NLK: variants seen among roughly 807,000 people sequenced by gnomAD.
The protein encoded by NLK is nemo like kinase.
In NLK, 11 loss-of-function variants were observed where a neutral mutation model predicts 59.0. The ratio of observed to expected loss-of-function variants is 0.19; its 90% confidence interval spans 0.12 to 0.31. NLK has a LOEUF of 0.31. Ranked by LOEUF, NLK falls within the 10% of genes least tolerant of loss-of-function variation. The pLI, the probability that NLK is intolerant of heterozygous loss-of-function variation, is 1.00. For missense variants in NLK, 410 were observed against 661.1 expected, an observed-to-expected ratio of 0.62 and a Z score of 4.16; for synonymous variants, 235 against 235.9, an observed-to-expected ratio of 1.00 and a Z score of 0.03.
rs35719848 is a variant in NLK at position 28,095,649 on chromosome 17, C to T, written c.459-26954C>T. Among the ~76,000 whole-genome samples, 954 of 152,266 alleles carry T rather than the reference C, an allele frequency of 6.3e-3. 6 individuals are homozygous for T. The highest frequency in any genetic ancestry group is 0.022 in the African/African-American group (930 of 41,548). On this transcript the variant is annotated intron_variant, in intron 1 of 10. Coordinates refer to ENST00000407008, the MANE Select transcript of NLK (RefSeq NM_016231.5). ...CTATGATTCCAGATTTCTGCAATTA[C>T]AATATATATATTTGAAATGATTATT... is the stretch of plus-strand genomic sequence containing the variant.
intron 1 of NLK, among the ~76,000 whole-genome samples, chr17:28,099,830 G>A (rs1032965426): frequency 6.6e-6 from 1 of 150,652 alleles, no homozygotes; most frequent in Non-Finnish European, 1.5e-5. Flanking sequence ...CACCCGCCTC[G>A]GCCTCCCAAA....
At chr17:28,046,805 A>G (rs1469432966) in intron 1 of NLK, among the ~76,000 whole-genome samples, 1 of 152,164 alleles carries the variant, frequency 6.6e-6, no homozygotes, top group Non-Finnish European at 1.5e-5. Context: ...GATGGAATTA[A>G]TGGCACATAT....
intron 3 of NLK, among the ~76,000 whole-genome samples, chr17:28,141,515 T>A (rs1906992611): frequency 6.6e-6 from 1 of 152,198 alleles, no homozygotes; most frequent in African/African-American, 2.4e-5. Context: ...ACATCATTTG[T>A]GCAGCTTTAC....
intron 7 of NLK, among the ~76,000 whole-genome samples, chr17:28,174,516 A>G (rs1306175192): frequency 3.3e-5 from 5 of 152,148 alleles, no homozygotes; most frequent in Non-Finnish European, 5.9e-5. Flanking sequence ...TAATGGCTAG[A>G]TGCACTTTGC....
rs781425842 is a variant in NLK at position 28,194,573 on chromosome 17, T to C, written c.1530-9T>C. On this transcript the variant is annotated splice_polypyrimidine_tract_variant and intron_variant, in intron 10 of 10. Coordinates refer to ENST00000407008, the MANE Select transcript of NLK (RefSeq NM_016231.5). ...TACAACTAATTTCTCCATCTCTGTT[T>C]TCTTCCAGTTCCACTGTTGCTCAGC... 6 of 1,579,342 alleles carry C rather than the reference T, an allele frequency of 3.8e-6. No individual in the cohort carries two copies. In the South Asian group the frequency reaches 6.9e-5, roughly 18 times the overall value.
At chr17:28,047,479 G>C (rs1403779587) in intron 1 of NLK, among the ~76,000 whole-genome samples, 1 of 152,202 alleles carries the variant, frequency 6.6e-6, no homozygotes, top group African/African-American at 2.4e-5. Context: ...GACTTTGTAG[G>C]TGTTTTAGTC....
At chr17:28,204,200 C>G in the NLK span, among the ~76,000 whole-genome samples, 1 of 152,330 alleles carries the variant, frequency 6.6e-6, no homozygotes, top group South Asian at 2.1e-4. Context: ...TTCCCAAGAT[C>G]ACACAGCTAG....
chr17:28,061,226 A>G (rs1275297088), intron 1 of NLK, among the ~76,000 whole-genome samples: 1 of 152,190 alleles, frequency 6.6e-6, no homozygotes, highest in Non-Finnish European at 1.5e-5. Flanking sequence ...ATCCAGTTTC[A>G]GTGTTTTACC....
chr17:28,073,906 G>C (rs1910089608), intron 1 of NLK, among the ~76,000 whole-genome samples: 1 of 152,102 alleles, frequency 6.6e-6, no homozygotes, highest in Non-Finnish European at 1.5e-5. Context: ...TATGTTCCTA[G>C]CATGTAATAT....
chr17:28,043,593 G>A (rs572076518), intron 1 of NLK, among the ~76,000 whole-genome samples: 1 of 152,214 alleles, frequency 6.6e-6, no homozygotes, highest in African/African-American at 2.4e-5. Context: ...TAGAACCTAA[G>A]CAAGCCACTG....
At chr17:28,075,427 G>A (rs1336139958) in intron 1 of NLK, among the ~76,000 whole-genome samples, 1 of 152,170 alleles carries the variant, frequency 6.6e-6, no homozygotes, top group Non-Finnish European at 1.5e-5. Context: ...CCTGAAGCAT[G>A]TGCAAATTAT....
At chr17:28,054,088 C>T (rs1237452445) in intron 1 of NLK, among the ~76,000 whole-genome samples, 1 of 152,174 alleles carries the variant, frequency 6.6e-6, no homozygotes, top group African/African-American at 2.4e-5. Context: ...TTTAGTAATA[C>T]AGATGCGGAG....
chr17:28,082,775 C>T (rs1910391362), intron 1 of NLK, among the ~76,000 whole-genome samples: 1 of 152,150 alleles, frequency 6.6e-6, no homozygotes, highest in South Asian at 2.1e-4. Flanking sequence ...AATGTAAACA[C>T]TGAGGAAATA....
intron 3 of NLK, among the ~76,000 whole-genome samples, chr17:28,149,499 TG>T (rs1907395904): frequency 6.6e-6 from 1 of 152,236 alleles, no homozygotes; most frequent in South Asian, 2.1e-4. Context: ...AAAGCTTTTT[TG>T]TTGATGGTTT....
intron 3 of NLK, among the ~76,000 whole-genome samples, chr17:28,145,752 C>T (rs1907218245): frequency 6.6e-6 from 1 of 152,162 alleles, no homozygotes; most frequent in South Asian, 2.1e-4. Flanking sequence ...GTCACCCAGG[C>T]TGGAGTGCAG....
intron 1 of NLK, among the ~76,000 whole-genome samples, chr17:28,068,925 C>T (rs201668120): frequency 3.3e-5 from 5 of 152,266 alleles, no homozygotes; most frequent in East Asian, 1.9e-4. Context: ...GCGATCCTCA[C>T]GCCTCAGCCT....
Position 28,043,054 on chromosome 17 carries a change from G to A in NLK, c.181G>A (p.Val61Ile), listed in dbSNP as rs1908919026. The A allele has an allele frequency of 6.4e-7, 1 of 1,562,188 alleles. No individual in the cohort carries two copies. The highest frequency in any genetic ancestry group is 1.9e-5 in the Admixed American group (1 of 51,428). Reference sequence around the variant, plus strand: ...TCTTCATCCGGGGTCGGCTGCCGCTGTACACCCTGTACAGCAGCACACCTC... The same window carrying A: ...TCTTCATCCGGGGTCGGCTGCCGCTATACACCCTGTACAGCAGCACACCTC... ...HHLHPGSAAAVHPVQQHTSSA... is the reference protein window; with the variant it reads ...HHLHPGSAAAIHPVQQHTSSA... The change falls in exon 1 of 11, where the codon GTA becomes ATA. Residue 61 changes from valine to isoleucine, a missense_variant. Physicochemically the swap from Val to Ile is conservative, Grantham distance 29. This residue lies in a region of NLK where 160 missense variants were observed against 171.0 expected (regional missense o/e 0.94). Transcript: ENST00000407008.
intron 7 of NLK, among the ~76,000 whole-genome samples, chr17:28,173,728 A>G (rs973192977): frequency 6.6e-6 from 1 of 152,210 alleles, no homozygotes; most frequent in Non-Finnish European, 1.5e-5. Flanking sequence ...AAAGTTCTAT[A>G]TTATAGAAGG....
intron 2 of NLK, among the ~76,000 whole-genome samples, chr17:28,125,426 G>C (rs1906252738): frequency 6.6e-6 from 1 of 152,042 alleles, no homozygotes; most frequent in Admixed American, 6.6e-5. Context: ...AAGCAGGCAT[G>C]GTAAAAGCAG....
Sources: allele counts gnomAD v4.1 joint callset (sites outside exome capture counted in the v4.1 genomes callset), GRCh38; gene constraint gnomAD v4.1.1; regional missense constraint gnomAD v4.1.1; transcripts MANE v1.5; gene names NCBI Gene and HGNC (gene_info 2026-07-23, HGNC 2026-07-21).